DIAPH3: variants seen among roughly 807,000 people sequenced by gnomAD.
DIAPH3 encodes the protein diaphanous related formin 3.
Under a neutral mutation model 144.3 loss-of-function variants are expected in DIAPH3, and 117 were observed. The observed-to-expected ratio is 0.81, with a 90% CI of 0.70 to 0.95. The LOEUF is 0.95. DIAPH3 is among the 40% of genes least tolerant of loss of function. DIAPH3 has a pLI of 0.00. For missense variants in DIAPH3, 1,421 were observed against 1,412.7 expected (o/e 1.01, Z -0.09); for synonymous variants, 519 against 488.9 (o/e 1.06, Z -0.81).
chr13:59,679,244 C>T (rs2032806554), intron 27 of DIAPH3, among the ~76,000 whole-genome samples: 2 of 152,142 alleles, frequency 1.3e-5, no homozygotes, highest in South Asian at 4.1e-4. Flanking sequence ...CCTATGAAAC[C>T]CCAGGCTGCA....
At chr13:60,122,288 C>T (rs186655988) in intron 2 of DIAPH3, among the ~76,000 whole-genome samples, 3 of 152,246 alleles carry the variant, frequency 2.0e-5, no homozygotes, top group African/African-American at 7.2e-5. Context: ...CATCCCCTTA[C>T]CTGGCTAATT....
intron 1 of DIAPH3, among the ~76,000 whole-genome samples, chr13:60,145,066 C>T (rs1951441403): frequency 6.6e-6 from 1 of 152,084 alleles, no homozygotes; most frequent in South Asian, 2.1e-4. Flanking sequence ...ACTAGTATAC[C>T]CAGCAACCCT....
chr13:59,793,794 A>G (rs1226948103), intron 25 of DIAPH3, among the ~76,000 whole-genome samples: 1 of 152,174 alleles, frequency 6.6e-6, no homozygotes, highest in Non-Finnish European at 1.5e-5. Context: ...CCTGACTTGC[A>G]AGACTAAGGG....
At chr13:60,079,763 A>G (rs1490590897) in intron 4 of DIAPH3, among the ~76,000 whole-genome samples, 1 of 152,030 alleles carries the variant, frequency 6.6e-6, no homozygotes, top group East Asian at 1.9e-4. Flanking sequence ...ATGTGCGGGA[A>G]AAATATTATA....
At chr13:59,830,128 C>G (rs1456674855) in intron 24 of DIAPH3, among the ~76,000 whole-genome samples, 1 of 151,824 alleles carries the variant, frequency 6.6e-6, no homozygotes, top group Admixed American at 6.6e-5. Flanking sequence ...TTCACATTAA[C>G]CTGATTTTCA....
intron 21 of DIAPH3, among the ~76,000 whole-genome samples, chr13:59,876,400 C>A (rs543695611): frequency 1.3e-4 from 20 of 152,228 alleles, no homozygotes; most frequent in African/African-American, 4.8e-4. Context: ...AAAATAAAGT[C>A]AACTCTTTAT....
intron 4 of DIAPH3, among the ~76,000 whole-genome samples, chr13:60,066,074 A>T (rs1174664214): frequency 1.3e-5 from 2 of 152,172 alleles, no homozygotes; most frequent in Non-Finnish European, 2.9e-5. Flanking sequence ...TAGAAGTATA[A>T]TTTTTAAGTG....
At chr13:59,918,504 G>T (rs896548032) in intron 18 of DIAPH3, among the ~76,000 whole-genome samples, 1 of 152,104 alleles carries the variant, frequency 6.6e-6, no homozygotes, top group Non-Finnish European at 1.5e-5. Flanking sequence ...CAGAAGCCAT[G>T]GGCTTCAGGA....
At chr13:60,003,724 C>T (rs1310263404) in intron 9 of DIAPH3, among the ~76,000 whole-genome samples, 1 of 151,920 alleles carries the variant, frequency 6.6e-6, no homozygotes, top group Non-Finnish European at 1.5e-5. Context: ...TAGGCACCCA[C>T]CAACACGCAA....
At chr13:59,792,024 C>A (rs898894932) in intron 25 of DIAPH3, among the ~76,000 whole-genome samples, 1 of 152,180 alleles carries the variant, frequency 6.6e-6, no homozygotes, top group African/African-American at 2.4e-5. Flanking sequence ...TTTATTTCCT[C>A]CAGCATTATT....
At chr13:60,136,871 C>T (rs955266936) in intron 1 of DIAPH3, among the ~76,000 whole-genome samples, 13 of 151,912 alleles carry the variant, frequency 8.6e-5, no homozygotes, top group Admixed American at 6.6e-4. Flanking sequence ...ACCCGGGAGG[C>T]GGAGCTTGCA....
At chr13:59,965,940 G>A (rs1015541312) in intron 17 of DIAPH3, among the ~76,000 whole-genome samples, 7 of 152,084 alleles carry the variant, frequency 4.6e-5, no homozygotes, top group Admixed American at 2.6e-4. Context: ...TATGAAAGAG[G>A]AGGTATGAGA....
rs561227885 is a variant in DIAPH3 at position 60,036,501 on chromosome 13, A to G, written c.626+6189T>C. Among the ~76,000 whole-genome samples the G allele has an allele frequency of 3.3e-4, 50 of 152,246 alleles. 1 individual carries two copies. The South Asian group carries it at 6.7e-3, about 20-fold the overall frequency. ...GTGGCTACCATATTGAATAACAGGA[A>G]AGAAAACAGAGCTGCCTGCATTACT... On this transcript the variant is annotated intron_variant, in intron 5 of 27. Coordinates refer to ENST00000400324, the MANE Select transcript of DIAPH3 (RefSeq NM_001042517.2).
chr13:60,093,880 G>C, intron 3 of DIAPH3, 148 bp from the exon 4 acceptor site: 1 of 642,118 alleles, frequency 1.6e-6, no homozygotes, highest in Non-Finnish European at 2.8e-6. Context: ...CTGAAGGAAG[G>C]AGAGAGAAAA....
At chr13:59,749,050 C>T (rs2036847843) in intron 27 of DIAPH3, among the ~76,000 whole-genome samples, 1 of 151,440 alleles carries the variant, frequency 6.6e-6, no homozygotes, top group Non-Finnish European at 1.5e-5. Context: ...CCCGTCTCTA[C>T]TGAGAGTGAG....
intron 21 of DIAPH3, among the ~76,000 whole-genome samples, chr13:59,878,668 C>T (rs2044791077): frequency 6.6e-6 from 1 of 151,988 alleles, no homozygotes; most frequent in Admixed American, 6.6e-5. Flanking sequence ...AAAAAAAAGG[C>T]TCTAAACTTA....
At chr13:59,977,748 C>T (rs1398208141) in intron 14 of DIAPH3, among the ~76,000 whole-genome samples, 4 of 151,494 alleles carry the variant, frequency 2.6e-5, no homozygotes, top group Non-Finnish European at 4.4e-5. Flanking sequence ...AGGAGTGTAT[C>T]TAAGATGACT....
Position 59,774,728 on chromosome 13 carries a change from C to T in DIAPH3, c.3259G>A (p.Asp1087Asn). The T allele has an allele frequency of 3.7e-6, 6 of 1,613,850 alleles. No homozygotes were observed. In the South Asian group the frequency reaches 5.5e-5, roughly 15 times the overall value. Reference protein sequence around the residue: ...DRRKRTPMPKDVRQSLSPMSQ... With the variant: ...DRRKRTPMPKNVRQSLSPMSQ... ...AACATGAAACAAGTATAGGGTTCACCTTTTGGCATCGGTGTCCTTTTTCTT... is the reference window on the plus strand; with the variant it reads ...AACATGAAACAAGTATAGGGTTCACTTTTTGGCATCGGTGTCCTTTTTCTT... Residue 1087 changes from aspartate to asparagine, a missense_variant and splice_region_variant, in exon 26 of 28, where the codon GAT (aspartate) becomes AAT (asparagine). By Grantham distance (23) the Asp-to-Asn change is conservative (BLOSUM62 1). Coordinates refer to ENST00000400324, the MANE Select transcript of DIAPH3 (RefSeq NM_001042517.2).
chr13:60,070,993 A>C (rs960644072), intron 4 of DIAPH3, among the ~76,000 whole-genome samples: 13 of 152,362 alleles, frequency 8.5e-5, no homozygotes, highest in African/African-American at 2.2e-4. Flanking sequence ...CCACAGTAAT[A>C]ATACATTTAG....
Sources: allele counts gnomAD v4.1 joint callset (sites outside exome capture counted in the v4.1 genomes callset), GRCh38; gene constraint gnomAD v4.1.1; transcripts MANE v1.5; gene names NCBI Gene and HGNC (gene_info 2026-07-23, HGNC 2026-07-21).